CCDC73: variants seen among roughly 807,000 people sequenced by gnomAD.
CCDC73 encodes coiled-coil domain-containing protein 73.
CCDC73 carries 95 observed loss-of-function variants against 116.5 expected under a neutral mutation model. The observed-to-expected ratio is 0.82, with a 90% CI of 0.69 to 0.97. The LOEUF (loss-of-function observed/expected upper bound fraction) is 0.97, where lower values mean the gene tolerates loss of function less well. Ranked by LOEUF, CCDC73 falls within the 50% of genes least tolerant of loss-of-function variation. The pLI is 0.00. For synonymous variants in CCDC73, 398 were observed against 401.3 expected, an observed-to-expected ratio of 0.99 and a Z score of 0.10; for missense variants, 1,066 against 1,206.8, an observed-to-expected ratio of 0.88 and a Z score of 1.73.
At chr11:32,761,489 A>G (rs1003275994) in intron 1 of CCDC73, among the ~76,000 whole-genome samples, 2 of 152,186 alleles carry the variant, frequency 1.3e-5, no homozygotes, top group Non-Finnish European at 2.9e-5. Context: ...TATTGAGTCC[A>G]TTTTTAGTTG....
chr11:32,625,785 C>A (rs1246547610), intron 14 of CCDC73, among the ~76,000 whole-genome samples: 3 of 152,076 alleles, frequency 2.0e-5, no homozygotes, highest in Non-Finnish European at 4.4e-5. Context: ...AACAGCCCTT[C>A]ATGCTAAAAA....
At chr11:32,677,302 G>A (rs1002777408) in intron 7 of CCDC73, among the ~76,000 whole-genome samples, 3 of 151,568 alleles carry the variant, frequency 2.0e-5, no homozygotes, top group Admixed American at 1.3e-4. Context: ...TTACAACATG[G>A]ACTAAACTTC....
chr11:32,775,946 A>G (rs774555097), intron 1 of CCDC73, among the ~76,000 whole-genome samples: 1 of 152,124 alleles, frequency 6.6e-6, no homozygotes, highest in South Asian at 2.1e-4. Context: ...CTTCTCTCTC[A>G]AATCTTTTTA....
At chr11:32,710,600 C>T (rs1175924142) in intron 3 of CCDC73, among the ~76,000 whole-genome samples, 1 of 152,050 alleles carries the variant, frequency 6.6e-6, no homozygotes, top group Admixed American at 6.6e-5. Flanking sequence ...GTTTTGTGGC[C>T]TATCATATGG....
chr11:32,634,161 C>G (rs1043820039), intron 14 of CCDC73, among the ~76,000 whole-genome samples: 2 of 152,018 alleles, frequency 1.3e-5, no homozygotes, highest in African/African-American at 4.8e-5. Flanking sequence ...TATATTCCAA[C>G]TGAGTTTACT....
chr11:32,614,541 T>TATTA lies in CCDC73; in HGVS notation c.1773_1776dup (p.Lys593Ter). 6.2e-7 allele frequency: 1 copy of TATTA among 1,613,210 alleles called. No homozygotes were observed. Among genetic ancestry groups the TATTA allele is most frequent in the Non-Finnish European group, 8.5e-7 (1 of 1,179,412 alleles). On this transcript the variant is annotated stop_gained and frameshift_variant, in exon 16 of 18. Transcript: ENST00000335185. LOFTEE classifies it high-confidence loss of function. ...AATGGCTCATTTTCAGAAACATCTTTATTATTATTGTGATATGTATTGTGT... is the reference window on the plus strand; with the variant it reads ...AATGGCTCATTTTCAGAAACATCTTTATTAATTATTATTGTGATATGTATTGTGT...
At chr11:32,796,633 T>C (rs1397005007), upstream of CCDC73, among the ~76,000 whole-genome samples, 1 of 152,150 alleles carries the variant, frequency 6.6e-6, no homozygotes, top group Non-Finnish European at 1.5e-5. Context: ...TGAAACTTAA[T>C]CTCCAAAGCA....
chr11:32,828,705 T>C, the CCDC73 span, among the ~76,000 whole-genome samples: 136,074 of 152,208 alleles, frequency 0.89, 61,111 homozygotes, highest in East Asian at 0.99. Flanking sequence ...TGCAGCAGTT[T>C]TTGAAGTCTT....
At position 32,611,399 on chromosome 11, in the gene CCDC73, C is replaced by T; in HGVS notation, c.2897-134G>A. On this transcript the variant is annotated intron_variant, in intron 16 of 17. Transcript: ENST00000335185. ...TTCTATTTTAATGTTGAATATTTTG[C>T]AGTTGTCCTAGACTTTGCTCTTAAA... 3.9e-6 allele frequency: 3 copies of T among 775,986 alleles called. No homozygotes were observed. In the Admixed American group the frequency reaches 8.0e-5, roughly 21 times the overall value. The allele number at this position is 775,986 out of a possible 1,614,324, so 48.1% of individuals were successfully genotyped here.
At chr11:32,801,366 G>GGC in the CCDC73 span, among the ~76,000 whole-genome samples, 1 of 152,176 alleles carries the variant, frequency 6.6e-6, no homozygotes, top group East Asian at 1.9e-4. Flanking sequence ...TAACTGGCTG[G>GGC]GCGCAGTGGC....
intron 3 of CCDC73, among the ~76,000 whole-genome samples, chr11:32,716,593 C>T (rs915956236): frequency 1.3e-5 from 2 of 152,162 alleles, no homozygotes; most frequent in African/African-American, 2.4e-5. Flanking sequence ...GACAGAGCCT[C>T]GCTCTGCACC....
At chr11:32,760,282 T>C (rs772056053) in intron 1 of CCDC73, 24 bp from the exon 2 acceptor site, 7 of 1,259,086 alleles carry the variant, frequency 5.6e-6, no homozygotes, top group Non-Finnish European at 7.6e-6. Flanking sequence ...AGGTCTTAAC[T>C]GAAAAAAAAT....
intron 13 of CCDC73, among the ~76,000 whole-genome samples, chr11:32,637,054 C>T (rs1855688337): frequency 1.7e-5 from 2 of 119,160 alleles, no homozygotes; most frequent in East Asian, 2.3e-4. Flanking sequence ...GAGTCTCACT[C>T]TGTTGCCCAG....
chr11:32,623,826 G>A lies in CCDC73; in HGVS notation c.1186-7697C>T, dbSNP rs113992124. ...TTTGTTTACTTTTTAAAATGGGAGGGGCTTAAGCATGTTTAATTGCAAATG... is the reference window on the plus strand; with the variant it reads ...TTTGTTTACTTTTTAAAATGGGAGGAGCTTAAGCATGTTTAATTGCAAATG... On this transcript the variant is annotated intron_variant, in intron 14 of 17. Coordinates refer to ENST00000335185, the MANE Select transcript of CCDC73 (RefSeq NM_001008391.4). 4.8e-3 allele frequency among the ~76,000 whole-genome samples: 727 copies of A among 151,942 alleles called. 5 individuals carry two copies. Among genetic ancestry groups the A allele is most frequent in the Non-Finnish European group, 8.0e-3 (546 of 67,972 alleles).
At chr11:32,812,634 A>G in the CCDC73 span, among the ~76,000 whole-genome samples, 2 of 148,844 alleles carry the variant, frequency 1.3e-5, no homozygotes, top group Admixed American at 6.9e-5. Context: ...ATGCCATTGC[A>G]CTCCAGCCTG....
At chr11:32,805,362 G>A in the CCDC73 span, among the ~76,000 whole-genome samples, 1 of 152,088 alleles carries the variant, frequency 6.6e-6, no homozygotes, top group South Asian at 2.1e-4. Context: ...AACTTTCCAA[G>A]GTCACAGACT....
chr11:32,693,143 G>A (rs1856275980), intron 6 of CCDC73, among the ~76,000 whole-genome samples: 1 of 152,198 alleles, frequency 6.6e-6, no homozygotes, highest in African/African-American at 2.4e-5. Context: ...CCATAAGAGA[G>A]GGCACTATCT....
At chr11:32,806,197 T>TA in the CCDC73 span, among the ~76,000 whole-genome samples, 24 of 152,232 alleles carry the variant, frequency 1.6e-4, no homozygotes, top group Non-Finnish European at 3.2e-4. Context: ...TAAAGGAGGT[T>TA]AAAAATCCAA....
chr11:32,662,082 C>T (rs1402969161), intron 9 of CCDC73, among the ~76,000 whole-genome samples: 4 of 152,200 alleles, frequency 2.6e-5, no homozygotes, highest in African/African-American at 7.2e-5. Flanking sequence ...TCCAGTCTAT[C>T]GTGGTTGGAC....
Sources: gnomAD v4.1 joint callset for allele counts (sites outside exome capture counted in the v4.1 genomes callset) on GRCh38, gnomAD v4.1.1 for gene constraint, MANE v1.5 for transcripts, NCBI Gene and HGNC (gene_info 2026-07-23, HGNC 2026-07-21) for gene names.